Variants in MAN1A2 observed in about 807,000 individuals in gnomAD.
MAN1A2 encodes mannosyl-oligosaccharide 1,2-alpha-mannosidase IB.
A neutral mutation model predicts 75.7 loss-of-function variants in MAN1A2; 26 were observed. The ratio of observed to expected loss-of-function variants is 0.34; its 90% CI spans 0.25 to 0.48. The LOEUF is 0.48. MAN1A2 is among the 20% of genes least tolerant of loss of function. The pLI, the probability that MAN1A2 is intolerant of heterozygous loss-of-function variation, is 0.99. For synonymous variants in MAN1A2, 247 were observed against 264.6 expected (o/e 0.93, Z 0.65); for missense variants, 562 against 775.5 (o/e 0.72, Z 3.27).
At chr1:117,513,492 C>A (rs186416759) in intron 12 of MAN1A2, among the ~76,000 whole-genome samples, 2 of 151,684 alleles carry the variant, frequency 1.3e-5, no homozygotes, top group Non-Finnish European at 2.9e-5. Context: ...TTTGATGGTC[C>A]GTTAATCATG....
intron 12 of MAN1A2, among the ~76,000 whole-genome samples, chr1:117,512,264 A>G (rs1272003430): frequency 6.6e-6 from 1 of 152,118 alleles, no homozygotes; most frequent in African/African-American, 2.4e-5. Flanking sequence ...AGATGCCCAC[A>G]TAAAGGAGAA....
At chr1:117,396,344 A>G (rs1276567328) in intron 1 of MAN1A2, among the ~76,000 whole-genome samples, 1 of 152,220 alleles carries the variant, frequency 6.6e-6, no homozygotes, top group East Asian at 1.9e-4. Flanking sequence ...CAATGGTGAG[A>G]CTTCTCTTTG....
At chr1:117,410,495 A>G (rs1570720674) in intron 3 of MAN1A2, among the ~76,000 whole-genome samples, 1 of 151,810 alleles carries the variant, frequency 6.6e-6, no homozygotes, top group East Asian at 1.9e-4. Context: ...CCCCCCACAT[A>G]CTTAATATTG....
intron 7 of MAN1A2, among the ~76,000 whole-genome samples, chr1:117,464,202 C>T (rs1173102149): frequency 6.6e-6 from 1 of 151,148 alleles, no homozygotes; most frequent in African/African-American, 2.4e-5. Context: ...CACTTCTCTA[C>T]CAAAAATTAG....
chr1:117,377,424 CT>C lies in MAN1A2; in HGVS notation c.302+8941del, dbSNP rs1653186568. On this transcript the variant is annotated intron_variant, in intron 1 of 12. Coordinates refer to ENST00000356554, the MANE Select transcript of MAN1A2 (RefSeq NM_006699.5). The stretch of plus-strand genomic sequence containing the variant: ...AGAGCAATTTATTTATATCAACTAA[CT>C]TATAGTGCATATTCTTTGATTCAGC... Among the ~76,000 whole-genome samples the C allele has an allele frequency of 2.6e-5, 4 of 152,246 alleles. No individual in the cohort carries two copies. In the South Asian group the frequency reaches 8.3e-4, roughly 32 times the overall value.
intron 4 of MAN1A2, among the ~76,000 whole-genome samples, chr1:117,415,170 C>T (rs1189883972): frequency 6.6e-6 from 1 of 152,068 alleles, no homozygotes; most frequent in Admixed American, 6.6e-5. Context: ...ACGCCCAGCA[C>T]AGTTGCATTC....
intron 7 of MAN1A2, among the ~76,000 whole-genome samples, chr1:117,463,538 C>CAT (rs34989844): frequency 1.4e-5 from 2 of 147,966 alleles, no homozygotes; most frequent in Admixed American, 6.7e-5. Context: ...CACACACACA[C>CAT]GAGGAACTCA....
At position 117,397,126 on chromosome 1, in the gene MAN1A2, G is replaced by A. The variant is rs190561704; in HGVS notation, c.303-5060G>A. On this transcript the variant is annotated intron_variant, in intron 1 of 12. Coordinates refer to ENST00000356554, the MANE Select transcript of MAN1A2 (RefSeq NM_006699.5). ...AACTCTGGAGTTTCTCTTAGGACCA[G>A]TCTGGTTAGTCTTTTCTTGCCCTCT... 7.1e-4 allele frequency among the ~76,000 whole-genome samples: 108 copies of A among 152,216 alleles called. 1 individual carries two copies. Among genetic ancestry groups the A allele is most frequent in the African/African-American group, 2.6e-3 (107 of 41,522 alleles).
chr1:117,453,924 C>A (rs2101827529), intron 6 of MAN1A2, among the ~76,000 whole-genome samples: 1 of 152,290 alleles, frequency 6.6e-6, no homozygotes, highest in East Asian at 1.9e-4. Context: ...CTTCAGCAGC[C>A]ACCACCCTGA....
At chr1:117,488,489 C>G (rs938919515) in intron 8 of MAN1A2, among the ~76,000 whole-genome samples, 4 of 152,004 alleles carry the variant, frequency 2.6e-5, no homozygotes, top group African/African-American at 9.7e-5. Flanking sequence ...AGCCACCATA[C>G]CCGGCTGCAA....
intron 3 of MAN1A2, among the ~76,000 whole-genome samples, 189 bp from the exon 4 acceptor site, chr1:117,414,524 A>C (rs1414092381): frequency 2.0e-5 from 3 of 151,504 alleles, no homozygotes; most frequent in Non-Finnish European, 4.4e-5. Context: ...TATACATATA[A>C]TTTCTAATGT....
intron 1 of MAN1A2, among the ~76,000 whole-genome samples, chr1:117,400,382 T>G (rs985933472): frequency 6.6e-6 from 1 of 151,808 alleles, no homozygotes; most frequent in Non-Finnish European, 1.5e-5. Context: ...TATTAGATTG[T>G]GAATTTTTCT....
intron 6 of MAN1A2, among the ~76,000 whole-genome samples, chr1:117,452,236 G>A (rs1649442854): frequency 6.6e-6 from 1 of 151,896 alleles, no homozygotes; most frequent in Admixed American, 6.6e-5. Flanking sequence ...GAACCTGGGA[G>A]GCGGAGGTTG....
intron 1 of MAN1A2, among the ~76,000 whole-genome samples, chr1:117,384,042 G>A (rs1195686541): frequency 6.6e-6 from 1 of 152,104 alleles, no homozygotes; most frequent in African/African-American, 2.4e-5. Context: ...TCTAACCAGA[G>A]GTTTGTCAAT....
intron 10 of MAN1A2, among the ~76,000 whole-genome samples, chr1:117,497,262 T>C (rs7522264): frequency 0.27 from 40,433 of 151,872 alleles, 5,926 homozygotes; most frequent in East Asian, 0.47. Flanking sequence ...GGAATAACTT[T>C]TAATATAAGA....
chr1:117,489,377 A>T (rs1010851422), intron 8 of MAN1A2, among the ~76,000 whole-genome samples: 1 of 152,080 alleles, frequency 6.6e-6, no homozygotes, highest in Non-Finnish European at 1.5e-5. Flanking sequence ...TAAAATGTTC[A>T]CTGATCTAAT....
intron 5 of MAN1A2, among the ~76,000 whole-genome samples, chr1:117,428,102 TC>T (rs1226295021): frequency 6.7e-6 from 1 of 150,164 alleles, no homozygotes; most frequent in East Asian, 1.9e-4. Context: ...TCTCTCTCTC[TC>T]TCTCTCTCTA....
rs140491170 is a variant in MAN1A2 at position 117,427,928 on chromosome 1, A to C, written c.855+7279A>C. Among the ~76,000 whole-genome samples the C allele has an allele frequency of 3.3e-5, 5 of 152,296 alleles. No homozygotes were observed. In the East Asian group the frequency reaches 9.6e-4, roughly 29 times the overall value. On this transcript the variant is annotated intron_variant, in intron 5 of 12. Transcript: ENST00000356554. ...TGTGGAATAAAAGAGGGAGGGAGGA[A>C]ATGGAACTACAAGATTGTAAGGTTT...
intron 7 of MAN1A2, among the ~76,000 whole-genome samples, chr1:117,463,565 G>A (rs1253766755): frequency 6.6e-6 from 1 of 152,032 alleles, no homozygotes; most frequent in East Asian, 1.9e-4. Flanking sequence ...AATCAACAAA[G>A]TTCAGGTCAG....
Sources: allele counts gnomAD v4.1 joint callset (sites outside exome capture counted in the v4.1 genomes callset), GRCh38; gene constraint gnomAD v4.1.1; transcripts MANE v1.5; gene names NCBI Gene and HGNC (gene_info 2026-07-23, HGNC 2026-07-21).